ARHGAP21: variants seen among roughly 807,000 people sequenced by gnomAD.
ARHGAP21 encodes rho GTPase-activating protein 21.
A neutral mutation model predicts 164.6 loss-of-function variants in ARHGAP21; 38 were observed. The ratio of observed to expected loss-of-function variants is 0.23; its 90% CI spans 0.18 to 0.30. The LOEUF (loss-of-function observed/expected upper bound fraction) is 0.30, where lower values mean the gene tolerates loss of function less well. ARHGAP21 is among the 10% of genes least tolerant of loss of function. The pLI, the probability that ARHGAP21 is intolerant of heterozygous loss-of-function variation, is 1.00. For missense variants in ARHGAP21, 1,822 were observed against 2,370.7 expected (o/e 0.77, Z 4.81); for synonymous variants, 766 against 857.9 (o/e 0.89, Z 1.87).
Position 24,591,702 on chromosome 10 carries a change from G to T in ARHGAP21, c.4003-19C>A. On this transcript the variant is annotated intron_variant, in intron 22 of 25. Transcript: ENST00000396432. The stretch of plus-strand genomic sequence containing the variant: ...AGTCATGCTAAAATTTAAAAAAGGT[G>T]AGAAGAGAAATTAAACAAGCCTTTA... 6.2e-7 allele frequency: 1 copy of T among 1,613,562 alleles called. No homozygotes were observed. The highest frequency in any genetic ancestry group is 1.7e-4 in the Middle Eastern group (1 of 6,044).
intron 9 of ARHGAP21, among the ~76,000 whole-genome samples, chr10:24,612,361 A>T (rs975807739): frequency 6.6e-6 from 1 of 152,232 alleles, no homozygotes; most frequent in African/African-American, 2.4e-5. Context: ...ATGGCAACTA[A>T]CCTAAAATTA....
At chr10:24,685,671 T>C (rs930209157) in intron 2 of ARHGAP21, among the ~76,000 whole-genome samples, 1 of 151,018 alleles carries the variant, frequency 6.6e-6, no homozygotes, top group African/African-American at 2.4e-5. Flanking sequence ...AGGTCAGGAG[T>C]TCAAGATCAG....
chr10:24,665,226 G>C (rs966454988), intron 4 of ARHGAP21, among the ~76,000 whole-genome samples: 3 of 151,972 alleles, frequency 2.0e-5, no homozygotes, highest in Admixed American at 6.5e-5. Context: ...AGATGGTAAT[G>C]CAGGAGTGGC....
intron 2 of ARHGAP21, among the ~76,000 whole-genome samples, chr10:24,716,830 G>A (rs1044972574): frequency 1.2e-4 from 18 of 152,200 alleles, no homozygotes; most frequent in African/African-American, 4.1e-4. Context: ...TGCCTGGCCT[G>A]GAAGGATGGG....
At chr10:24,681,490 A>G (rs1428419850) in intron 2 of ARHGAP21, among the ~76,000 whole-genome samples, 1 of 152,248 alleles carries the variant, frequency 6.6e-6, no homozygotes, top group Non-Finnish European at 1.5e-5. Context: ...CACTTTAAGT[A>G]GAACAGGGTC....
At chr10:24,597,838 C>T (rs765739427) in intron 15 of ARHGAP21, 107 bp downstream of exon 15, 48 of 1,235,352 alleles carry the variant, frequency 3.9e-5, no homozygotes, top group Non-Finnish European at 4.8e-5. Context: ...GTACTATCTG[C>T]GGTTTCAAGC....
chr10:24,588,711 A>G (rs964686722), intron 25 of ARHGAP21, among the ~76,000 whole-genome samples: 11 of 152,238 alleles, frequency 7.2e-5, no homozygotes, highest in African/African-American at 2.7e-4. Flanking sequence ...AACTACTCAA[A>G]AAGTTGTGTA....
At chr10:24,591,755 T>C (rs563433418) in intron 22 of ARHGAP21, 72 bp from the exon 23 acceptor site, 9 of 1,600,872 alleles carry the variant, frequency 5.6e-6, no homozygotes, top group East Asian at 4.5e-5. Context: ...GAGGATAGTA[T>C]AGAAAAAGGG....
intron 4 of ARHGAP21, among the ~76,000 whole-genome samples, chr10:24,665,019 G>A (rs1206429368): frequency 6.6e-6 from 1 of 152,156 alleles, no homozygotes; most frequent in Non-Finnish European, 1.5e-5. Flanking sequence ...TAAGAAGCAT[G>A]AATTCTAGAT....
At chr10:24,686,761 G>A (rs867797976) in intron 2 of ARHGAP21, among the ~76,000 whole-genome samples, 11 of 152,240 alleles carry the variant, frequency 7.2e-5, no homozygotes, top group African/African-American at 2.6e-4. Context: ...AATATTGGGC[G>A]GCACATCCCT....
In ARHGAP21 at chr10:24,595,706, A is replaced by C. The variant is rs1217438980; in HGVS notation, c.3712+11T>G. 1.0e-5 allele frequency: 16 copies of C among 1,605,892 alleles called. No homozygotes were observed. Among genetic ancestry groups the C allele is most frequent in the Non-Finnish European group, 1.4e-5 (16 of 1,173,834 alleles). On this transcript the variant is annotated intron_variant, in intron 19 of 25. Transcript: ENST00000396432. ...CATTTCATCTGGTATCTTTCACGGG[A>C]GTTAACTCACCATTTGTGAAGAGAG...
intron 2 of ARHGAP21, among the ~76,000 whole-genome samples, chr10:24,710,914 C>T (rs1844720390): frequency 1.3e-5 from 2 of 151,728 alleles, no homozygotes; most frequent in South Asian, 4.2e-4. Context: ...GCCAACATGG[C>T]GAAACCCCAT....
intron 4 of ARHGAP21, among the ~76,000 whole-genome samples, chr10:24,653,548 G>C (rs1419301538): frequency 6.6e-6 from 1 of 151,782 alleles, no homozygotes; most frequent in Non-Finnish European, 1.5e-5. Flanking sequence ...ACTCCAGCCT[G>C]GGCGACAGAG....
At chr10:24,643,264 G>A (rs1837257547) in intron 4 of ARHGAP21, among the ~76,000 whole-genome samples, 2 of 152,126 alleles carry the variant, frequency 1.3e-5, no homozygotes, top group African/African-American at 4.8e-5. Flanking sequence ...ATGTAGCATT[G>A]TACATTTCAC....
At position 24,702,193 on chromosome 10, in the gene ARHGAP21, C is replaced by T. The variant is rs562862029; in HGVS notation, c.63+19644G>A. Among the ~76,000 whole-genome samples, 10 of 138,830 alleles carry T rather than the reference C, an allele frequency of 7.2e-5. No homozygotes were observed. In the South Asian group the frequency reaches 1.6e-3, roughly 22 times the overall value. The allele number at this position is 138,830 out of a possible 152,430, so 91.1% of individuals were successfully genotyped here. ...TCGTCCAGTCTGGAGTGCAGTGGCG[C>T]GATCTCGGCTCACTGCAAGTTCCAT... On this transcript the variant is annotated intron_variant, in intron 2 of 25. Transcript: ENST00000396432.
Position 24,622,746 on chromosome 10 carries a change from T to A in ARHGAP21, c.512A>T (p.Asp171Val). 1 of 1,611,914 alleles carries A rather than the reference T, an allele frequency of 6.2e-7. No individual in the cohort carries two copies. Among genetic ancestry groups the A allele is most frequent in the Non-Finnish European group, 8.5e-7 (1 of 1,179,266 alleles). ...DILQVLQFTK[D>V]VTALAYSQDA... is the part of the protein sequence containing the mutation. ...TGCATTTCTTACCAGTGCTGTGACA[T>A]CCTTTGTAAACTGTAGCTAGCAGAA... is the stretch of plus-strand genomic sequence containing the variant. Residue 171 changes from aspartate to valine, a missense_variant, in exon 8 of 26, where the codon GAT becomes GTT. Around this residue, in one of 5 missense-constraint regions of ARHGAP21, gnomAD observed 1,090 missense variants for 1,378.9 expected, o/e 0.79. Coordinates refer to ENST00000396432, the MANE Select transcript of ARHGAP21 (RefSeq NM_020824.4).
intron 4 of ARHGAP21, among the ~76,000 whole-genome samples, chr10:24,645,244 A>G (rs573539312): frequency 2.2e-4 from 33 of 152,276 alleles, no homozygotes; most frequent in African/African-American, 7.9e-4. Flanking sequence ...AACCCAATGG[A>G]CACCCCATCT....
chr10:24,606,383 C>G (rs1251476953), intron 11 of ARHGAP21, among the ~76,000 whole-genome samples: 3 of 151,946 alleles, frequency 2.0e-5, no homozygotes, highest in African/African-American at 7.3e-5. Context: ...TATAAAAAAT[C>G]AGTTCACAGA....
At chr10:24,707,217 T>G (rs1844327509) in intron 2 of ARHGAP21, among the ~76,000 whole-genome samples, 1 of 152,224 alleles carries the variant, frequency 6.6e-6, no homozygotes, top group African/African-American at 2.4e-5. Flanking sequence ...ATAAGACAGA[T>G]GTATGACCAA....
Sources: gnomAD v4.1 joint callset for allele counts (sites outside exome capture counted in the v4.1 genomes callset) on GRCh38, gnomAD v4.1.1 for gene constraint, gnomAD v4.1.1 regional missense constraint, MANE v1.5 for transcripts, NCBI Gene and HGNC (gene_info 2026-07-23, HGNC 2026-07-21) for gene names.